Variants in ARHGEF28 observed in about 807,000 individuals in gnomAD.
The protein encoded by ARHGEF28 is Rho guanine nucleotide exchange factor 28.
In ARHGEF28, 152 loss-of-function variants were observed where a neutral mutation model predicts 206.6. The observed-to-expected ratio is 0.74, with a 90% CI of 0.64 to 0.84. The LOEUF (loss-of-function observed/expected upper bound fraction) is 0.84. Among genes scored for constraint, ARHGEF28 ranks in the 40% least tolerant of loss-of-function variants. The pLI is 0.00. For missense variants in ARHGEF28, 2,028 were observed against 2,073.2 expected (o/e 0.98, Z 0.42); for synonymous variants, 763 against 776.4 (o/e 0.98, Z 0.29).
chr5:73,654,152 G>A (rs1745022200), intron 1 of ARHGEF28, among the ~76,000 whole-genome samples: 2 of 152,160 alleles, frequency 1.3e-5, no homozygotes, highest in South Asian at 4.1e-4. Context: ...GGCAGGGAGA[G>A]GGACAATGAA....
intron 2 of ARHGEF28, among the ~76,000 whole-genome samples, chr5:73,730,258 G>A (rs1001743294): frequency 2.6e-5 from 4 of 152,084 alleles, no homozygotes; most frequent in Non-Finnish European, 4.4e-5. Flanking sequence ...CAGATATGTT[G>A]TATATATCTG....
At chr5:73,920,689 C>A (rs995408399) in intron 35 of ARHGEF28, among the ~76,000 whole-genome samples, 6 of 151,868 alleles carry the variant, frequency 4.0e-5, no homozygotes, top group African/African-American at 1.5e-4. Context: ...GGTTTTAAGC[C>A]CCTCATGCAT....
chr5:73,758,497 G>T (rs1018492851), intron 4 of ARHGEF28, among the ~76,000 whole-genome samples: 9 of 152,142 alleles, frequency 5.9e-5, no homozygotes, highest in Non-Finnish European at 2.9e-5. Flanking sequence ...GCTCATTATG[G>T]AACAGGTGCA....
At chr5:73,813,773 G>A in intron 9 of ARHGEF28, 2 of 1,259,458 alleles carry the variant, frequency 1.6e-6, no homozygotes, top group Non-Finnish European at 1.1e-6. Context: ...AATGTAGCGC[G>A]TGTTTATACG....
rs764805762 is a variant in ARHGEF28, at chr5:73,904,361, A to G, written c.4117A>G (p.Ile1373Val). ...CACTTACAATTTTGTTTTTCAGATT[A>G]TACAAGCCATACAGAATTTAACCCG... ...NFPGSSQSEI[I>V]QAIQNLTRLL... The change falls in exon 33 of 36, where the codon ATA (isoleucine) becomes GTA (valine). Residue 1373 changes from isoleucine (I) to valine (V), a missense_variant. By Grantham distance (29) the Ile-to-Val change is conservative. Around this residue, in one of 3 missense-constraint regions of ARHGEF28, gnomAD observed 803 missense variants for 768.0 expected, o/e 1.05. Coordinates refer to ENST00000513042, the MANE Select transcript of ARHGEF28 (RefSeq NM_001177693.2). 6.4e-5 allele frequency: 103 copies of G among 1,613,144 alleles called. No individual in the cohort carries two copies. Among genetic ancestry groups the G allele is most frequent in the South Asian group, 1.6e-4 (15 of 90,996 alleles).
intron 30 of ARHGEF28, chr5:73,898,842 A>G (rs1270245883): frequency 6.6e-6 from 1 of 152,246 alleles, no homozygotes; most frequent in African/African-American, 2.4e-5. Flanking sequence ...TAAAGAGTAT[A>G]CTTTTCATCC....
chr5:73,713,510 C>G (rs1317500571), intron 2 of ARHGEF28, among the ~76,000 whole-genome samples: 1 of 152,076 alleles, frequency 6.6e-6, no homozygotes, highest in Non-Finnish European at 1.5e-5. Flanking sequence ...GAAGATGGGC[C>G]ATAGCATCTT....
intron 35 of ARHGEF28, among the ~76,000 whole-genome samples, chr5:73,926,722 G>A (rs560308750): frequency 6.6e-6 from 1 of 152,308 alleles, no homozygotes; most frequent in East Asian, 1.9e-4. Flanking sequence ...CACCACATCT[G>A]GAAGCTTGCT....
chr5:73,653,962 A>G (rs980418052), intron 1 of ARHGEF28, among the ~76,000 whole-genome samples: 7 of 152,244 alleles, frequency 4.6e-5, no homozygotes, highest in African/African-American at 1.4e-4. Flanking sequence ...TATGAAAGAA[A>G]GGGGCCTCAG....
At chr5:73,709,396 C>T (rs940253012) in intron 2 of ARHGEF28, among the ~76,000 whole-genome samples, 15 of 152,170 alleles carry the variant, frequency 9.9e-5, no homozygotes, top group Non-Finnish European at 1.9e-4. Flanking sequence ...GTTTTTCCTT[C>T]CTATAGTTTT....
chr5:73,755,422 C>T (rs929630532), intron 4 of ARHGEF28, among the ~76,000 whole-genome samples: 6 of 152,054 alleles, frequency 3.9e-5, no homozygotes, highest in African/African-American at 1.4e-4. Context: ...AGGTTAGTCC[C>T]ACAGCCCCTC....
chr5:73,914,706 A>G (rs1001220811), intron 35 of ARHGEF28, among the ~76,000 whole-genome samples: 1 of 151,446 alleles, frequency 6.6e-6, no homozygotes, highest in Non-Finnish European at 1.5e-5. Flanking sequence ...CTAAATTATT[A>G]ATTTCTAGAA....
At chr5:73,638,539 A>C (rs1387658552) in intron 1 of ARHGEF28, among the ~76,000 whole-genome samples, 4 of 152,224 alleles carry the variant, frequency 2.6e-5, no homozygotes, top group Non-Finnish European at 5.9e-5. Context: ...TGAAGACCAC[A>C]GCTTAAGCCA....
chr5:73,851,529 C>T (rs1762580550), intron 13 of ARHGEF28, among the ~76,000 whole-genome samples: 1 of 151,828 alleles, frequency 6.6e-6, no homozygotes, highest in Admixed American at 6.6e-5. Flanking sequence ...CAGAAAGGAA[C>T]ATTGCCAATA....
intron 2 of ARHGEF28, among the ~76,000 whole-genome samples, chr5:73,719,660 GA>G (rs1275839473): frequency 6.6e-6 from 1 of 152,076 alleles, no homozygotes; most frequent in Non-Finnish European, 1.5e-5. Context: ...AAATGAGAAA[GA>G]AAAAAAGATG....
intron 1 of ARHGEF28, among the ~76,000 whole-genome samples, chr5:73,650,253 AC>A (rs762561479): frequency 6.9e-6 from 1 of 145,546 alleles, no homozygotes; most frequent in East Asian, 2.0e-4. Context: ...CCCGTTCATC[AC>A]CTGAGAGATG....
At chr5:73,655,164 A>G (rs1027476052) in intron 1 of ARHGEF28, among the ~76,000 whole-genome samples, 2 of 152,238 alleles carry the variant, frequency 1.3e-5, no homozygotes, top group African/African-American at 4.8e-5. Context: ...CAGCTTTTAC[A>G]ATGTGCTCAA....
intron 2 of ARHGEF28, among the ~76,000 whole-genome samples, chr5:73,735,850 C>T (rs1750893314): frequency 6.6e-6 from 1 of 152,176 alleles, no homozygotes; most frequent in African/African-American, 2.4e-5. Flanking sequence ...GAGCCATTCT[C>T]TCACTGGTTT....
chr5:73,721,117 TTCTC>T (rs1183053961), intron 2 of ARHGEF28, among the ~76,000 whole-genome samples: 2 of 152,196 alleles, frequency 1.3e-5, no homozygotes, highest in Non-Finnish European at 2.9e-5. Flanking sequence ...ATCTCTTTCC[TTCTC>T]TCTCTCTTTT....
Sources: allele counts gnomAD v4.1 joint callset (sites outside exome capture counted in the v4.1 genomes callset), GRCh38; gene constraint gnomAD v4.1.1; regional missense constraint gnomAD v4.1.1; transcripts MANE v1.5; gene names NCBI Gene and HGNC (gene_info 2026-07-23, HGNC 2026-07-21).